The following LRRC63 variants were observed in gnomAD, a reference collection of about 807,000 sequenced individuals.
LRRC63 encodes the protein leucine-rich repeat-containing protein 63.
In LRRC63, 40 loss-of-function variants were observed where a neutral mutation model predicts 49.5. That is an observed-to-expected ratio of 0.81 (90% CI 0.63 to 1.05). The LOEUF (loss-of-function observed/expected upper bound fraction) is 1.05, where lower values mean the gene tolerates loss of function less well. Among genes scored for constraint, LRRC63 ranks in the 50% least tolerant of loss-of-function variants. LRRC63 has a pLI of 0.00. For missense variants in LRRC63, 636 were observed against 663.1 expected (o/e 0.96, Z 0.45); for synonymous variants, 191 against 221.1 (o/e 0.86, Z 1.21).
At chr13:46,218,739 C>G (rs185194700) in intron 2 of LRRC63, among the ~76,000 whole-genome samples, 1 of 152,200 alleles carries the variant, frequency 6.6e-6, no homozygotes, top group South Asian at 2.1e-4. Flanking sequence ...GTGGCTGGTA[C>G]CAGTTTTTAC....
At chr13:46,236,301 C>G (rs908008110) in intron 5 of LRRC63, among the ~76,000 whole-genome samples, 1 of 152,078 alleles carries the variant, frequency 6.6e-6, no homozygotes, top group East Asian at 1.9e-4. Context: ...ATTAAAAGCA[C>G]AAATCTATAC....
intron 8 of LRRC63, among the ~76,000 whole-genome samples, chr13:46,264,132 G>A (rs570154251): frequency 2.6e-5 from 4 of 152,240 alleles, no homozygotes; most frequent in African/African-American, 9.6e-5. Context: ...CTTCCTAAGC[G>A]ACTTTTCTTC....
intron 2 of LRRC63, among the ~76,000 whole-genome samples, chr13:46,214,676 C>A (rs1872819216): frequency 6.6e-6 from 1 of 151,578 alleles, no homozygotes. Flanking sequence ...GATACATGCA[C>A]AGAACGTGCA....
chr13:46,216,685 T>A (rs1476068912), intron 2 of LRRC63, among the ~76,000 whole-genome samples: 1 of 152,252 alleles, frequency 6.6e-6, no homozygotes, highest in Non-Finnish European at 1.5e-5. Context: ...TTGTGCCAGT[T>A]TTCAAAGGGA....
intron 2 of LRRC63, among the ~76,000 whole-genome samples, chr13:46,224,917 A>G (rs1203417485): frequency 6.6e-6 from 1 of 152,230 alleles, no homozygotes; most frequent in Non-Finnish European, 1.5e-5. Flanking sequence ...TGCTGGGGAC[A>G]GGCCCCAAGG....
At chr13:46,241,302 C>T (rs1305728219) in intron 5 of LRRC63, among the ~76,000 whole-genome samples, 3 of 152,274 alleles carry the variant, frequency 2.0e-5, no homozygotes, top group East Asian at 1.9e-4. Context: ...CCCTTCCATA[C>T]ACCATATACA....
intron 7 of LRRC63, among the ~76,000 whole-genome samples, chr13:46,252,690 G>A (rs1271410229): frequency 1.3e-5 from 2 of 152,010 alleles, no homozygotes; most frequent in Non-Finnish European, 2.9e-5. Context: ...GAATTAGGTG[G>A]ATTAAACAGG....
intron 9 of LRRC63, among the ~76,000 whole-genome samples, chr13:46,267,806 A>G (rs996678387): frequency 1.3e-5 from 2 of 152,282 alleles, no homozygotes; most frequent in Admixed American, 6.5e-5. Flanking sequence ...AAGAATTATA[A>G]CCTAACTAGT....
chr13:46,275,820 T>C lies in LRRC63; in HGVS notation c.1551-770T>C, dbSNP rs561553761. Reference sequence around the variant, plus strand: ...ATTCGAGATTAGTCCCATTTGTCTATTTTTATTTTTGTTGCTTATGCTTTT... The same window carrying C: ...ATTCGAGATTAGTCCCATTTGTCTACTTTTATTTTTGTTGCTTATGCTTTT... On this transcript the variant is annotated intron_variant, in intron 9 of 9. Transcript: ENST00000595396. Among the ~76,000 whole-genome samples the C allele has an allele frequency of 3.3e-5, 5 of 152,294 alleles. No individual in the cohort carries two copies. The East Asian group carries it at 9.6e-4, about 29-fold the overall frequency.
At chr13:46,237,181 TA>T (rs1217555297) in intron 5 of LRRC63, among the ~76,000 whole-genome samples, 11 of 152,202 alleles carry the variant, frequency 7.2e-5, no homozygotes, top group African/African-American at 2.6e-4. Context: ...GGCAAAAATG[TA>T]AAGGCAGTAA....
chr13:46,229,629 A>G (rs747823028), intron 4 of LRRC63, among the ~76,000 whole-genome samples: 16 of 152,178 alleles, frequency 1.1e-4, no homozygotes, highest in Non-Finnish European at 2.1e-4. Flanking sequence ...GAATCAAAAA[A>G]TCTGCATACA....
chr13:46,260,478 A>T (rs2047596661), intron 7 of LRRC63, among the ~76,000 whole-genome samples: 1 of 152,194 alleles, frequency 6.6e-6, no homozygotes, highest in Non-Finnish European at 1.5e-5. Flanking sequence ...TGTACTAGAC[A>T]GCATGTAAGG....
At chr13:46,251,843 C>T (rs1007159912) in intron 7 of LRRC63, among the ~76,000 whole-genome samples, 2 of 151,554 alleles carry the variant, frequency 1.3e-5, no homozygotes, top group African/African-American at 4.8e-5. Flanking sequence ...ACCATTTAAA[C>T]AAAATAAAAA....
intron 2 of LRRC63, among the ~76,000 whole-genome samples, chr13:46,223,332 T>C (rs951274095): frequency 1.3e-5 from 2 of 152,224 alleles, no homozygotes; most frequent in African/African-American, 2.4e-5. Context: ...TTCAGGATTC[T>C]GTATTCTGTT....
exon 3 of LRRC63, chr13:46,227,823 A>C: frequency 6.5e-7 from 1 of 1,550,156 alleles, no homozygotes; most frequent in Non-Finnish European, 8.7e-7. Context: ...AAGTTCAAGA[A>C]AGTTTAAAAC....
intron 9 of LRRC63, among the ~76,000 whole-genome samples, chr13:46,275,079 G>A (rs141549855): frequency 8.6e-4 from 130 of 151,954 alleles, no homozygotes; most frequent in Middle Eastern, 3.4e-3. Flanking sequence ...CATGAGTGCC[G>A]TTCTGTGCCT....
intron 7 of LRRC63, among the ~76,000 whole-genome samples, chr13:46,258,645 T>C (rs576904656): frequency 8.7e-5 from 13 of 149,720 alleles, no homozygotes; most frequent in African/African-American, 2.7e-4. Flanking sequence ...CCATCTCTAC[T>C]AAAAATACAA....
At chr13:46,254,867 A>G (rs781185530) in intron 7 of LRRC63, among the ~76,000 whole-genome samples, 16 of 152,188 alleles carry the variant, frequency 1.1e-4, no homozygotes, top group Non-Finnish European at 2.2e-4. Flanking sequence ...GGTAGATTTT[A>G]GCCTCCATAA....
exon 1 of LRRC63, chr13:46,212,189 T>C (rs769911868): frequency 6.6e-6 from 1 of 152,180 alleles, no homozygotes; most frequent in Non-Finnish European, 1.5e-5. Context: ...GGAAGGGAGA[T>C]TTCCAGCATC....
Sources: gnomAD v4.1 joint callset for allele counts (sites outside exome capture counted in the v4.1 genomes callset) on GRCh38, gnomAD v4.1.1 for gene constraint, MANE v1.5 for transcripts, NCBI Gene and HGNC (gene_info 2026-07-23, HGNC 2026-07-21) for gene names.